The following CHRM3 variants were observed in gnomAD, a reference collection of about 807,000 sequenced individuals.
The protein encoded by CHRM3 is cholinergic receptor muscarinic 3.
Under a neutral mutation model 41.8 loss-of-function variants are expected in CHRM3, and 11 were observed. The observed-to-expected ratio is 0.26, with a 90% confidence interval of 0.17 to 0.44. CHRM3 has a LOEUF of 0.44. CHRM3 is among the 20% of genes least tolerant of loss of function. CHRM3 has a pLI of 1.00. For missense variants in CHRM3, 571 were observed against 745.4 expected (o/e 0.77, Z 2.72); for synonymous variants, 297 against 301.4 (o/e 0.99, Z 0.15).
chr1:239,667,411 C>CGG (rs1673917441), intron 4 of CHRM3, among the ~76,000 whole-genome samples: 1 of 152,144 alleles, frequency 6.6e-6, no homozygotes, highest in East Asian at 1.9e-4. Context: ...CTGTCATGTG[C>CGG]GGAGACTCAT....
chr1:239,468,136 A>G (rs1262464844), intron 1 of CHRM3, among the ~76,000 whole-genome samples: 1 of 152,184 alleles, frequency 6.6e-6, no homozygotes, highest in Non-Finnish European at 1.5e-5. Flanking sequence ...ATTCTGACTC[A>G]CTGCTGTTGT....
At chr1:239,555,677 GTAGGTATAAATATGA>G (rs1660283576) in intron 3 of CHRM3, among the ~76,000 whole-genome samples, 1 of 152,200 alleles carries the variant, frequency 6.6e-6, no homozygotes, top group African/African-American at 2.4e-5. Flanking sequence ...GCAATTAAAA[GTAGGTATAAATATGA>G]TTAAAGAACT....
intron 1 of CHRM3, among the ~76,000 whole-genome samples, chr1:239,395,694 G>T (rs1046150751): frequency 6.6e-6 from 1 of 152,190 alleles, no homozygotes; most frequent in Non-Finnish European, 1.5e-5. Context: ...AGGTGATGCA[G>T]ATACTGCTCC....
At chr1:239,550,032 A>C (rs2148434757) in intron 3 of CHRM3, among the ~76,000 whole-genome samples, 1 of 151,922 alleles carries the variant, frequency 6.6e-6, no homozygotes, top group South Asian at 2.1e-4. Flanking sequence ...TGGAAGTGGA[A>C]TCAATGAGCT....
intron 1 of CHRM3, among the ~76,000 whole-genome samples, chr1:239,433,392 C>T (rs1305934095): frequency 5.3e-5 from 8 of 152,208 alleles, no homozygotes; most frequent in Admixed American, 3.3e-4. Context: ...TCCTAAATCT[C>T]TTTTCTTCTA....
In CHRM3 at chr1:239,488,587, C is replaced by T. The variant is rs371389373; in HGVS notation, c.-520-4122C>T. Among the ~76,000 whole-genome samples, 65 of 151,434 alleles carry T rather than the reference C, an allele frequency of 4.3e-4. No homozygotes were observed. In the South Asian group the frequency reaches 0.011, roughly 26 times the overall value. On this transcript the variant is annotated intron_variant, in intron 1 of 6. Transcript: ENST00000676153. ...AAAATTAGCTGTGTGTGGTGGCAGG[C>T]GCCTGTAGTCCCAGCTACTTGAGAG...
At chr1:239,521,600 C>T (rs548572963) in intron 2 of CHRM3, among the ~76,000 whole-genome samples, 1 of 152,232 alleles carries the variant, frequency 6.6e-6, no homozygotes, top group African/African-American at 2.4e-5. Context: ...GTGAATTATG[C>T]TAAGTTGTCA....
At chr1:239,522,330 G>A (rs1434681178) in intron 2 of CHRM3, among the ~76,000 whole-genome samples, 3 of 152,204 alleles carry the variant, frequency 2.0e-5, no homozygotes, top group Non-Finnish European at 2.9e-5. Context: ...GCCACCAGCC[G>A]TCACCAACTT....
At chr1:239,705,141 A>T (rs2148138636) in intron 5 of CHRM3, 1 of 152,336 alleles carries the variant, frequency 6.6e-6, no homozygotes, top group East Asian at 1.9e-4. Context: ...CAGAAGGTCG[A>T]GGTTACAGTG....
In CHRM3 at chr1:239,657,266, A is replaced by C. The variant is rs558317112; in HGVS notation, c.-249-20920A>C. ...GGAGCTGGAATACCCAAAATGTCCT[A>C]ATGCTCTCTCTACATTACTGCCATT... is the stretch of plus-strand genomic sequence containing the variant. On this transcript the variant is annotated intron_variant, in intron 4 of 6. Coordinates refer to ENST00000676153, the MANE Select transcript of CHRM3 (RefSeq NM_001375978.1). Among the ~76,000 whole-genome samples the C allele has an allele frequency of 1.5e-3, 230 of 152,354 alleles. 1 individual carries two copies. Among genetic ancestry groups the C allele is most frequent in the African/African-American group, 5.3e-3 (220 of 41,588 alleles).
At chr1:239,428,335 G>A (rs1358089246) in intron 1 of CHRM3, among the ~76,000 whole-genome samples, 1 of 152,174 alleles carries the variant, frequency 6.6e-6, no homozygotes, top group African/African-American at 2.4e-5. Context: ...TAGCAACAGT[G>A]GTCTTGGTCT....
At chr1:239,591,885 G>A (rs1055215780) in intron 3 of CHRM3, among the ~76,000 whole-genome samples, 13 of 152,154 alleles carry the variant, frequency 8.5e-5, no homozygotes, top group African/African-American at 3.1e-4. Context: ...ATGTCCTCAG[G>A]AGGGAAAGTA....
At chr1:239,578,234 A>G (rs1026509802) in intron 3 of CHRM3, among the ~76,000 whole-genome samples, 2 of 152,168 alleles carry the variant, frequency 1.3e-5, no homozygotes, top group African/African-American at 2.4e-5. Context: ...TATATTAAAT[A>G]TGTTCATGAA....
At chr1:239,841,264 G>A (rs1673772478) in intron 6 of CHRM3, among the ~76,000 whole-genome samples, 1 of 152,142 alleles carries the variant, frequency 6.6e-6, no homozygotes, top group African/African-American at 2.4e-5. Context: ...ATGTGTTAGA[G>A]GAGGTGACAA....
intron 4 of CHRM3, among the ~76,000 whole-genome samples, chr1:239,666,198 T>A (rs1387421734): frequency 6.6e-6 from 1 of 152,000 alleles, no homozygotes; most frequent in Non-Finnish European, 1.5e-5. Context: ...CTGACTTTTT[T>A]TTTTTTTGGC....
In CHRM3 at chr1:239,439,226, C is replaced by T. The variant is rs183497979; in HGVS notation, c.-521+51999C>T. On this transcript the variant is annotated intron_variant, in intron 1 of 6. Transcript: ENST00000676153. ...GAAACATGGTCCTTAGGTTTGTATCCGATTAGAACCCCTGGAATATCCCAG... is the reference window on the plus strand; with the variant it reads ...GAAACATGGTCCTTAGGTTTGTATCTGATTAGAACCCCTGGAATATCCCAG... Among the ~76,000 whole-genome samples, 47 of 152,170 alleles carry T rather than the reference C, an allele frequency of 3.1e-4. 1 individual carries two copies. The highest frequency in any genetic ancestry group is 9.9e-4 in the African/African-American group (41 of 41,496).
chr1:239,789,062 A>G (rs752994840), intron 5 of CHRM3, among the ~76,000 whole-genome samples: 3 of 152,142 alleles, frequency 2.0e-5, no homozygotes, highest in Admixed American at 6.5e-5. Flanking sequence ...TTTGAGGACC[A>G]TTCCATCCTT....
intron 6 of CHRM3, among the ~76,000 whole-genome samples, chr1:239,876,665 A>T (rs1459124940): frequency 6.6e-6 from 1 of 152,208 alleles, no homozygotes; most frequent in Non-Finnish European, 1.5e-5. Flanking sequence ...TTCCTGGGAC[A>T]GAGGATGCCA....
intron 1 of CHRM3, among the ~76,000 whole-genome samples, chr1:239,446,144 C>A (rs1049562409): frequency 2.6e-5 from 4 of 152,218 alleles, no homozygotes; most frequent in East Asian, 1.9e-4. Flanking sequence ...ACCATGTTGG[C>A]CAGGATGGTC....
Sources: gnomAD v4.1 joint callset for allele counts (sites outside exome capture counted in the v4.1 genomes callset) on GRCh38, gnomAD v4.1.1 for gene constraint, MANE v1.5 for transcripts, NCBI Gene and HGNC (gene_info 2026-07-23, HGNC 2026-07-21) for gene names.